Variants in SP110 observed in about 807,000 individuals in gnomAD.
SP110 encodes the protein interferon-induced protein 41, 30kD.
SP110 carries 62 observed loss-of-function variants against 92.7 expected under a neutral mutation model. The observed-to-expected ratio is 0.67, with a 90% CI of 0.55 to 0.83. The LOEUF is 0.83. Ranked by LOEUF, SP110 falls within the 40% of genes least tolerant of loss-of-function variation. The pLI is 0.00. For missense variants in SP110, 793 were observed against 863.9 expected (o/e 0.92, Z 1.03); for synonymous variants, 273 against 305.3 (o/e 0.89, Z 1.10).
Position 230,202,658 on chromosome 2 carries a change from A to G in SP110, c.969T>C (p.Asp323=). The G allele has an allele frequency of 1.2e-6, 2 of 1,614,072 alleles. No individual in the cohort carries two copies. The highest frequency in any genetic ancestry group is 1.7e-6 in the Non-Finnish European group (2 of 1,179,984). ...KRVDQVPQKK[D]DSTCNSTVET... ...CTACCGTGGAGTTACAAGTTGAGTC[A>G]TCTTTCTTTTGAGGAACCTGATCCA... Residue 323 remains aspartate (D), a synonymous_variant, in exon 9 of 19, where the codon GAT becomes GAC. Coordinates refer to ENST00000258381, the MANE Select transcript of SP110 (RefSeq NM_080424.4).
intron 7 of SP110, among the ~76,000 whole-genome samples, chr2:230,209,519 A>G (rs1472774562): frequency 6.6e-6 from 1 of 152,206 alleles, no homozygotes; most frequent in African/African-American, 2.4e-5. Context: ...GCCAGTAGGC[A>G]GCAAAGGACA....
At position 230,181,859 on chromosome 2, in the gene SP110, G is replaced by A. The variant is rs934966032; in HGVS notation, c.1348+1713C>T. 2.0e-5 allele frequency among the ~76,000 whole-genome samples: 3 copies of A among 152,332 alleles called. No individual in the cohort carries two copies. In the South Asian group the frequency reaches 6.2e-4, roughly 32 times the overall value. On this transcript the variant is annotated intron_variant, in intron 12 of 18. Coordinates refer to ENST00000258381, the MANE Select transcript of SP110 (RefSeq NM_080424.4). The stretch of plus-strand genomic sequence containing the variant: ...ACACTTTTATACTATTGGTGGGAAT[G>A]TAAATTAGTTTAACCATTGTGAAAG...
intron 8 of SP110, among the ~76,000 whole-genome samples, chr2:230,207,023 G>A (rs974563756): frequency 1.3e-5 from 2 of 152,084 alleles, no homozygotes; most frequent in African/African-American, 4.8e-5. Flanking sequence ...ACATCTTTAG[G>A]TTGTAAAAGC....
intron 14 of SP110, chr2:230,176,516 C>T (rs536702748): frequency 1.3e-6 from 2 of 1,557,274 alleles, no homozygotes; most frequent in South Asian, 2.4e-5. Context: ...ATTTGCTTCC[C>T]CATCCCAAAT....
Position 230,179,852 on chromosome 2 carries a change from G to A in SP110, c.1349-1597C>T, listed in dbSNP as rs184913556. ...GTAGCAAGCTGATGTGCAGAGTTGT[G>A]AGGACAAACATCAGTCCCTTCCTTA... On this transcript the variant is annotated intron_variant, in intron 12 of 18. Transcript: ENST00000258381. 5.7e-3 allele frequency among the ~76,000 whole-genome samples: 864 copies of A among 152,196 alleles called. 6 individuals carry two copies. The highest frequency in any genetic ancestry group is 0.027 in the Middle Eastern group (8 of 294).
chr2:230,209,801 C>A (rs1189781158), intron 7 of SP110, 130 bp downstream of exon 7: 2 of 722,992 alleles, frequency 2.8e-6, no homozygotes, highest in Admixed American at 2.0e-5. Context: ...ATGGAAACTG[C>A]AGAAACGAAC....
At chr2:230,187,440 T>C (rs1403182298) in intron 10 of SP110, among the ~76,000 whole-genome samples, 3 of 152,174 alleles carry the variant, frequency 2.0e-5, no homozygotes, top group Admixed American at 2.0e-4. Flanking sequence ...ATTCTGTGGG[T>C]TGTCTGTTTA....
At chr2:230,200,023 C>A (rs547448207) in intron 10 of SP110, among the ~76,000 whole-genome samples, 1 of 152,096 alleles carries the variant, frequency 6.6e-6, no homozygotes, top group Non-Finnish European at 1.5e-5. Flanking sequence ...GTCATTCAAT[C>A]TTCTCCAAGG....
intron 2 of SP110, 24 bp downstream of exon 2, chr2:230,216,757 A>T (rs1373544967): frequency 6.2e-7 from 1 of 1,613,238 alleles, no homozygotes; most frequent in South Asian, 1.1e-5. Context: ...CTGGGCTGCC[A>T]TGGAAGGGTT....
Position 230,213,010 on chromosome 2 carries a change from AT to A in SP110, c.333del (p.Glu111AspfsTer17). 3 of 1,613,928 alleles carry A rather than the reference AT, an allele frequency of 1.9e-6. No homozygotes were observed. Among genetic ancestry groups the A allele is most frequent in the Non-Finnish European group, 2.5e-6 (3 of 1,179,944 alleles). ...AGGATTGGTGTGTCTCTGCTCTGCC[AT>A]TCATAGGAAGCACCAACTGGGATTG... ...RSFKRVGASY[E>X]WQSRDTPILL... On this transcript the variant is annotated frameshift_variant, in exon 4 of 19. Transcript: ENST00000258381. LOFTEE classifies it high-confidence loss of function.
At chr2:230,187,913 A>T (rs2042430104) in intron 10 of SP110, among the ~76,000 whole-genome samples, 1 of 152,160 alleles carries the variant, frequency 6.6e-6, no homozygotes, top group South Asian at 2.1e-4. Flanking sequence ...TATAATTTTA[A>T]GTCTGGTAAT....
At chr2:230,195,616 C>T (rs190194442) in intron 10 of SP110, among the ~76,000 whole-genome samples, 100 of 152,088 alleles carry the variant, frequency 6.6e-4, no homozygotes, top group African/African-American at 2.2e-3. Context: ...AGGCATGAGC[C>T]GGCATGCCTT....
intron 8 of SP110, among the ~76,000 whole-genome samples, chr2:230,205,028 A>G (rs1369108204): frequency 2.0e-5 from 3 of 152,240 alleles, no homozygotes; most frequent in Admixed American, 2.0e-4. Flanking sequence ...AACTTTAACA[A>G]TCACATTAAG....
At chr2:230,185,929 G>T in intron 11 of SP110, 65 bp downstream of exon 11, 1 of 1,384,366 alleles carries the variant, frequency 7.2e-7, no homozygotes, top group Non-Finnish European at 1.0e-6. Context: ...ATCTGACCCT[G>T]TACTGCTCCA....
chr2:230,196,784 C>T (rs982955755), intron 10 of SP110, among the ~76,000 whole-genome samples: 1 of 150,856 alleles, frequency 6.6e-6, no homozygotes. Flanking sequence ...TGAGTGAGAA[C>T]ATGCAGTGTT....
intron 2 of SP110, among the ~76,000 whole-genome samples, chr2:230,216,341 C>T (rs2045172805): frequency 6.6e-6 from 1 of 152,140 alleles, no homozygotes; most frequent in Admixed American, 6.5e-5. Context: ...AGGTAGAAGA[C>T]TCAAAAGAGA....
chr2:230,174,594 A>G (rs995933903), intron 14 of SP110, among the ~76,000 whole-genome samples: 1 of 152,190 alleles, frequency 6.6e-6, no homozygotes, highest in African/African-American at 2.4e-5. Context: ...CTCACACTAT[A>G]TGCTGATAGA....
chr2:230,198,572 C>G (rs1193424078), intron 10 of SP110, among the ~76,000 whole-genome samples: 1 of 151,962 alleles, frequency 6.6e-6, no homozygotes, highest in Non-Finnish European at 1.5e-5. Context: ...GCCGTGCAAC[C>G]AGTCCTGGCA....
chr2:230,209,936 T>C lies in SP110; in HGVS notation c.824A>G (p.Lys275Arg), dbSNP rs2044285585. Reference protein sequence around the residue: ...PQEVSSTPSDKKGKKRKRCIW... With the variant: ...PQEVSSTPSDRKGKKRKRCIW... ...AGAAGAAAGGCTTTTCTTACCTTTC[T>C]TGTCTGAAGGTGTGCTGGACACCTC... The change falls in exon 7 of 19, where the codon AAG (lysine) becomes AGG (arginine). Residue 275 changes from lysine (K) to arginine (R), a missense_variant. Transcript: ENST00000258381. 3 of 1,594,786 alleles carry C rather than the reference T, an allele frequency of 1.9e-6. No homozygotes were observed. In the African/African-American group the frequency reaches 4.0e-5, roughly 21 times the overall value.
Sources: allele counts gnomAD v4.1 joint callset (sites outside exome capture counted in the v4.1 genomes callset), GRCh38; gene constraint gnomAD v4.1.1; transcripts MANE v1.5; gene names NCBI Gene and HGNC (gene_info 2026-07-23, HGNC 2026-07-21).